CHCHD6: variants seen among roughly 807,000 people sequenced by gnomAD.
CHCHD6 encodes the protein coiled-coil-helix-coiled-coil-helix domain containing 6.
CHCHD6 carries 28 observed loss-of-function variants against 32.3 expected under a neutral mutation model. The observed-to-expected ratio is 0.87, with a 90% CI of 0.64 to 1.19. CHCHD6 has a LOEUF of 1.19. CHCHD6 is among the 50% of genes most tolerant of loss of function. The pLI, the probability that CHCHD6 is intolerant of heterozygous loss-of-function variation, is 0.00. For missense variants in CHCHD6, 333 were observed against 307.0 expected, an observed-to-expected ratio of 1.08 and a Z score of -0.63; for synonymous variants, 122 against 117.5, an observed-to-expected ratio of 1.04 and a Z score of -0.25.
intron 5 of CHCHD6, among the ~76,000 whole-genome samples, chr3:126,894,966 A>G (rs1187727792): frequency 1.3e-5 from 2 of 152,150 alleles, no homozygotes; most frequent in African/African-American, 4.8e-5. Context: ...CCCTTATCCC[A>G]CTCACCAGAG....
chr3:126,906,158 T>A (rs1261205317), intron 5 of CHCHD6, among the ~76,000 whole-genome samples: 3 of 152,158 alleles, frequency 2.0e-5, no homozygotes, highest in African/African-American at 4.8e-5. Flanking sequence ...TCCTCTATGT[T>A]TCAAACTTAG....
chr3:126,914,377 T>C (rs1559919591), intron 5 of CHCHD6, among the ~76,000 whole-genome samples: 2 of 152,248 alleles, frequency 1.3e-5, no homozygotes, highest in Non-Finnish European at 2.9e-5. Context: ...TGAGCGTGGC[T>C]GTGTGCCAGT....
chr3:126,825,002 T>A (rs1317287137), intron 4 of CHCHD6, among the ~76,000 whole-genome samples: 1 of 152,238 alleles, frequency 6.6e-6, no homozygotes, highest in Non-Finnish European at 1.5e-5. Flanking sequence ...CTTCTCAAGG[T>A]GGGAACTTAG....
At chr3:126,915,904 C>G (rs546945139) in intron 6 of CHCHD6, among the ~76,000 whole-genome samples, 1 of 152,248 alleles carries the variant, frequency 6.6e-6, no homozygotes, top group South Asian at 2.1e-4. Flanking sequence ...GATCCTCCTA[C>G]CTCAGACTCC....
At chr3:126,813,158 T>G (rs1939734536) in intron 4 of CHCHD6, among the ~76,000 whole-genome samples, 1 of 152,224 alleles carries the variant, frequency 6.6e-6, no homozygotes, top group Non-Finnish European at 1.5e-5. Context: ...TCAAAAATTT[T>G]GAGTTCAGAT....
chr3:126,857,150 G>A lies in CHCHD6; in HGVS notation c.495+4420G>A, dbSNP rs190008270. ...CAGACAGCTGTGGCTCCTGCCTCATGAAACCCACAGTCAGGTTTGGGAGGG... is the reference window on the plus strand; with the variant it reads ...CAGACAGCTGTGGCTCCTGCCTCATAAAACCCACAGTCAGGTTTGGGAGGG... On this transcript the variant is annotated intron_variant, in intron 5 of 7. Coordinates refer to ENST00000290913, the MANE Select transcript of CHCHD6 (RefSeq NM_032343.3). Among the ~76,000 whole-genome samples the A allele has an allele frequency of 2.0e-5, 3 of 152,264 alleles. No homozygotes were observed. The East Asian group carries it at 5.8e-4, about 29-fold the overall frequency.
chr3:126,925,841 A>AT (rs2078316488), intron 6 of CHCHD6, among the ~76,000 whole-genome samples: 1 of 152,166 alleles, frequency 6.6e-6, no homozygotes, highest in African/African-American at 2.4e-5. Context: ...CTTCCCCCTT[A>AT]TTTTTTTAAA....
chr3:126,864,872 T>TCTC (rs1388211294), intron 5 of CHCHD6, among the ~76,000 whole-genome samples: 1 of 51,260 alleles, frequency 2.0e-5, no homozygotes, highest in East Asian at 7.5e-4. Context: ...TCCACCATCA[T>TCTC]CTCCTCCTCC....
chr3:126,868,448 A>T (rs9809211), intron 5 of CHCHD6, among the ~76,000 whole-genome samples: 6,365 of 147,652 alleles, frequency 0.043, 414 homozygotes, highest in African/African-American at 0.14. Context: ...TTTTTTTTTT[A>T]AAAAAAAAAA....
chr3:126,833,721 A>G (rs893373273), intron 4 of CHCHD6, among the ~76,000 whole-genome samples: 1 of 152,210 alleles, frequency 6.6e-6, no homozygotes, highest in Non-Finnish European at 1.5e-5. Flanking sequence ...TGAAAATTAC[A>G]GCACTGTATT....
intron 4 of CHCHD6, among the ~76,000 whole-genome samples, chr3:126,820,083 C>A (rs1256379883): frequency 6.6e-6 from 1 of 152,190 alleles, no homozygotes; most frequent in Admixed American, 6.5e-5. Flanking sequence ...CCATAACTAT[C>A]CTGTCCCATG....
rs557362622 is a variant in CHCHD6 at position 126,758,234 on chromosome 3, A to G, written c.411+25012A>G. ...CTTTCTGTGGCCATCAGCGCCCATC[A>G]GCAGGTGCTGCCCTCAGCGTCCCTT... On this transcript the variant is annotated intron_variant, in intron 4 of 7. Coordinates refer to ENST00000290913, the MANE Select transcript of CHCHD6 (RefSeq NM_032343.3). Among the ~76,000 whole-genome samples, 12 of 152,384 alleles carry G rather than the reference A, an allele frequency of 7.9e-5. No homozygotes were observed. The South Asian group carries it at 2.5e-3, about 32-fold the overall frequency.
chr3:126,947,023 C>T (rs1022271995), intron 6 of CHCHD6, among the ~76,000 whole-genome samples: 23 of 152,256 alleles, frequency 1.5e-4, no homozygotes, highest in African/African-American at 3.6e-4. Context: ...TGGGGCCACA[C>T]GTGTGAGCAG....
intron 4 of CHCHD6, among the ~76,000 whole-genome samples, chr3:126,801,238 G>A (rs758313660): frequency 1.5e-4 from 23 of 152,224 alleles, no homozygotes; most frequent in African/African-American, 2.7e-4. Context: ...CGCACCGTGC[G>A]CAAGCCGAAG....
intron 4 of CHCHD6, among the ~76,000 whole-genome samples, chr3:126,740,012 G>A (rs1936220616): frequency 6.6e-6 from 1 of 152,194 alleles, no homozygotes; most frequent in African/African-American, 2.4e-5. Context: ...CTTTTGACAG[G>A]CTATTAGTGT....
At chr3:126,726,747 G>C (rs990564321) in intron 1 of CHCHD6, among the ~76,000 whole-genome samples, 4 of 152,216 alleles carry the variant, frequency 2.6e-5, no homozygotes, top group Non-Finnish European at 5.9e-5. Flanking sequence ...AGGTGGTTCA[G>C]AGGGAAGAGC....
At chr3:126,798,040 T>G (rs1235749920) in intron 4 of CHCHD6, among the ~76,000 whole-genome samples, 1 of 152,228 alleles carries the variant, frequency 6.6e-6, no homozygotes, top group Non-Finnish European at 1.5e-5. Flanking sequence ...TTTCCCTCTC[T>G]GTCTTTTTAA....
intron 5 of CHCHD6, among the ~76,000 whole-genome samples, chr3:126,874,889 C>G (rs1218805621): frequency 6.6e-6 from 1 of 152,182 alleles, no homozygotes; most frequent in Non-Finnish European, 1.5e-5. Context: ...CCTGCAGCTC[C>G]CCTGGCCCCA....
intron 4 of CHCHD6, among the ~76,000 whole-genome samples, chr3:126,779,706 A>C (rs938198148): frequency 6.6e-6 from 1 of 152,180 alleles, no homozygotes; most frequent in Non-Finnish European, 1.5e-5. Flanking sequence ...TGAAAAGACT[A>C]GTCTTTCCCC....
Sources: allele counts gnomAD v4.1 joint callset (sites outside exome capture counted in the v4.1 genomes callset), GRCh38; gene constraint gnomAD v4.1.1; transcripts MANE v1.5; gene names NCBI Gene and HGNC (gene_info 2026-07-23, HGNC 2026-07-21).